The following MPPED1 variants were observed in gnomAD, a reference collection of about 807,000 sequenced individuals.
MPPED1 encodes metallophosphoesterase domain-containing protein 1.
A neutral mutation model predicts 36.2 loss-of-function variants in MPPED1; 16 were observed. That is an observed-to-expected ratio of 0.44 (90% CI 0.30 to 0.67). MPPED1 has a LOEUF of 0.67. Among genes scored for constraint, MPPED1 ranks in the 30% least tolerant of loss-of-function variants. The pLI is 0.10. For synonymous variants in MPPED1, 199 were observed against 191.3 expected, an observed-to-expected ratio of 1.04 and a Z score of -0.33; for missense variants, 307 against 453.4, an observed-to-expected ratio of 0.68 and a Z score of 2.93.
intron 3 of MPPED1, among the ~76,000 whole-genome samples, chr22:43,442,332 CCTT>C (rs1220213913): frequency 1.9e-4 from 29 of 152,098 alleles, no homozygotes; most frequent in African/African-American, 6.0e-4. Flanking sequence ...CAAGCTCCCT[CCTT>C]CTCTCCCATG....
At chr22:43,498,416 G>A in intron 5 of MPPED1, 66 bp downstream of exon 5, 3 of 1,306,850 alleles carry the variant, frequency 2.3e-6, no homozygotes, top group Non-Finnish European at 3.2e-6. Flanking sequence ...TCTGGGATGG[G>A]GGGCTGGCTG....
At chr22:43,430,071 C>T (rs1929620867) in intron 2 of MPPED1, among the ~76,000 whole-genome samples, 1 of 152,092 alleles carries the variant, frequency 6.6e-6, no homozygotes, top group Non-Finnish European at 1.5e-5. Context: ...CCTCAGTTTC[C>T]CCATTTGTAA....
chr22:43,499,174 A>ATGGT, intron 5 of MPPED1, among the ~76,000 whole-genome samples: 5 of 123,428 alleles, frequency 4.1e-5, no homozygotes, highest in African/African-American at 1.6e-4. Flanking sequence ...TGATGGTGGG[A>ATGGT]GGTGGAGATG....
At chr22:43,435,718 G>T (rs1275623089) in intron 3 of MPPED1, among the ~76,000 whole-genome samples, 7 of 152,154 alleles carry the variant, frequency 4.6e-5, no homozygotes, top group Admixed American at 4.6e-4. Flanking sequence ...TTAGCTGGGT[G>T]TGGTGGCGGG....
chr22:43,501,110 A>G (rs1932721162), intron 5 of MPPED1, among the ~76,000 whole-genome samples: 2 of 152,106 alleles, frequency 1.3e-5, no homozygotes, highest in Admixed American at 1.3e-4. Context: ...TGTCAGCCTC[A>G]CCCTCACAGG....
chr22:43,480,811 TTTTTC>T (rs891503533), intron 4 of MPPED1, among the ~76,000 whole-genome samples: 8 of 151,942 alleles, frequency 5.3e-5, no homozygotes, highest in African/African-American at 1.7e-4. Flanking sequence ...GACTTATTTC[TTTTTC>T]TTTTCTTTTC....
intron 2 of MPPED1, among the ~76,000 whole-genome samples, chr22:43,434,329 G>T (rs1269969018): frequency 6.6e-6 from 1 of 152,166 alleles, no homozygotes; most frequent in African/African-American, 2.4e-5. Context: ...TTTGAGAAAT[G>T]GACTCCTTTC....
chr22:43,435,872 G>GATGA (rs751617483), intron 3 of MPPED1, among the ~76,000 whole-genome samples: 4 of 152,220 alleles, frequency 2.6e-5, no homozygotes, highest in African/African-American at 4.8e-5. Context: ...AAAAGAAATT[G>GATGA]ATGAATGAAT....
rs760886133 is a variant in MPPED1, at chr22:43,451,156, G to A, written c.406+15941G>A. ...TGAGTAGCTGGGACTACAGGCGTGC[G>A]CCACCACACCCAGTTAATTTTTGTA... On this transcript the variant is annotated intron_variant, in intron 3 of 6. Transcript: ENST00000443721. 1.1e-4 allele frequency among the ~76,000 whole-genome samples: 17 copies of A among 151,876 alleles called. No individual in the cohort carries two copies. The East Asian group carries it at 2.1e-3, about 19-fold the overall frequency.
At chr22:43,441,955 GT>G (rs1930162608) in intron 3 of MPPED1, among the ~76,000 whole-genome samples, 1 of 152,180 alleles carries the variant, frequency 6.6e-6, no homozygotes, top group African/African-American at 2.4e-5. Context: ...TCTGTTCAAG[GT>G]TCCAAGTGGA....
At chr22:43,495,085 G>T (rs1318358494) in intron 4 of MPPED1, among the ~76,000 whole-genome samples, 2 of 152,078 alleles carry the variant, frequency 1.3e-5, no homozygotes, top group Non-Finnish European at 2.9e-5. Context: ...CAAACATTTA[G>T]ATCATAGCAA....
chr22:43,487,948 C>A (rs1250252480), intron 4 of MPPED1, among the ~76,000 whole-genome samples: 1 of 152,188 alleles, frequency 6.6e-6, no homozygotes, highest in Non-Finnish European at 1.5e-5. Flanking sequence ...GTCACATTTT[C>A]ATCACTCTGG....
intron 4 of MPPED1, among the ~76,000 whole-genome samples, chr22:43,491,094 G>A (rs542613497): frequency 2.6e-5 from 4 of 152,298 alleles, no homozygotes; most frequent in South Asian, 2.1e-4. Flanking sequence ...AAATCTTGGG[G>A]AGCTGATGTT....
At chr22:43,478,826 G>A (rs574005297) in intron 4 of MPPED1, among the ~76,000 whole-genome samples, 14 of 152,250 alleles carry the variant, frequency 9.2e-5, no homozygotes, top group Non-Finnish European at 1.9e-4. Context: ...AGGGTGTCAG[G>A]TAGCCTGTCT....
chr22:43,501,473 C>T (rs1483094241), intron 5 of MPPED1, among the ~76,000 whole-genome samples: 1 of 152,146 alleles, frequency 6.6e-6, no homozygotes, highest in African/African-American at 2.4e-5. Flanking sequence ...CGCCCGGGCC[C>T]CTTCACACAC....
chr22:43,434,269 C>G (rs143303497), intron 2 of MPPED1, among the ~76,000 whole-genome samples: 1 of 152,362 alleles, frequency 6.6e-6, no homozygotes, highest in South Asian at 2.1e-4. Context: ...TGTTTTCTGA[C>G]ACAGCCCTGG....
rs763555881 is a variant in MPPED1, at chr22:43,505,589, C to T, written c.954C>T (p.Ile318=). Residue 318 remains isoleucine, a synonymous_variant, in exon 7 of 7, where the codon ATC becomes ATT. Transcript: ENST00000443721. ...AGCCCGTGAACCCGCCCATAGTCAT[C>T]GACCTCCCCACACCCCGGAACTCCT... ...NYQPVNPPIV[I]DLPTPRNS The T allele has an allele frequency of 1.1e-5, 17 of 1,611,864 alleles. No individual in the cohort carries two copies. Among genetic ancestry groups the T allele is most frequent in the Middle Eastern group, 1.6e-4 (1 of 6,080 alleles).
At chr22:43,436,125 G>T (rs1391005984) in intron 3 of MPPED1, among the ~76,000 whole-genome samples, 2 of 152,208 alleles carry the variant, frequency 1.3e-5, no homozygotes, top group Non-Finnish European at 2.9e-5. Context: ...TCAAAAATAA[G>T]AAATAAACCT....
intron 4 of MPPED1, among the ~76,000 whole-genome samples, chr22:43,485,903 C>T (rs922292760): frequency 2.6e-5 from 4 of 152,360 alleles, no homozygotes; most frequent in Non-Finnish European, 4.4e-5. Context: ...TTTGGGGACG[C>T]GTTGCCAGCT....
Sources: allele counts gnomAD v4.1 joint callset (sites outside exome capture counted in the v4.1 genomes callset), GRCh38; gene constraint gnomAD v4.1.1; transcripts MANE v1.5; gene names NCBI Gene and HGNC (gene_info 2026-07-23, HGNC 2026-07-21).